Variants in ABLIM2 observed in about 807,000 individuals in gnomAD.
ABLIM2 encodes the protein actin-binding LIM protein 2.
ABLIM2 carries 53 observed loss-of-function variants against 97.7 expected under a neutral mutation model. The ratio of observed to expected loss-of-function variants is 0.54; its 90% CI spans 0.44 to 0.68. The LOEUF (loss-of-function observed/expected upper bound fraction) is 0.68. Ranked by LOEUF, ABLIM2 falls within the 30% of genes least tolerant of loss-of-function variation. The pLI, the probability that ABLIM2 is intolerant of heterozygous loss-of-function variation, is 0.00. For missense variants in ABLIM2, 835 were observed against 867.2 expected, an observed-to-expected ratio of 0.96 and a Z score of 0.47; for synonymous variants, 361 against 345.8, an observed-to-expected ratio of 1.04 and a Z score of -0.49.
Position 7,984,032 on chromosome 4 carries a change from C to G in ABLIM2, c.1736-478G>C, listed in dbSNP as rs548866960. On this transcript the variant is annotated intron_variant, in intron 18 of 20. Transcript: ENST00000447017. ...TTTTTCAAACTACTGAGCTCTGCCC[C>G]CTAATGTCTTACTTCCAGACTGAAA... 1.3e-4 allele frequency among the ~76,000 whole-genome samples: 20 copies of G among 151,840 alleles called. No homozygotes were observed. In the East Asian group the frequency reaches 3.3e-3, roughly 25 times the overall value.
chr4:7,982,149 C>T (rs191447032), intron 20 of ABLIM2, among the ~76,000 whole-genome samples: 9 of 133,884 alleles, frequency 6.7e-5, no homozygotes, highest in African/African-American at 2.4e-4. Flanking sequence ...ACTCCCTCCC[C>T]AGCAGCAGAC....
chr4:8,138,977 A>T (rs998410043), intron 1 of ABLIM2, among the ~76,000 whole-genome samples: 1 of 152,214 alleles, frequency 6.6e-6, no homozygotes, highest in Admixed American at 6.5e-5. Context: ...TGGGTGGATC[A>T]CCTGAGGTCA....
At position 8,149,030 on chromosome 4, in the gene ABLIM2, C is replaced by G. The variant is rs1711628651; in HGVS notation, c.10+9650G>C. On this transcript the variant is annotated intron_variant, in intron 1 of 20. Coordinates refer to ENST00000447017, the MANE Select transcript of ABLIM2 (RefSeq NM_001130083.2). This position sits in a 1 kb window ranked among gnomAD's most constrained non-coding sequence, Gnocchi z 6.4. ...GCTGAGATCTGGGGTCCCCAGATAC[C>G]AGGGCAGATCCAGCCAGAGTGTGAA... is the stretch of plus-strand genomic sequence containing the variant. Among the ~76,000 whole-genome samples, 1 of 152,176 alleles carries G rather than the reference C, an allele frequency of 6.6e-6. No homozygotes were observed. The highest frequency in any genetic ancestry group is 2.1e-4 in the South Asian group (1 of 4,830).
rs1834109537 is a variant in ABLIM2 at position 8,100,737 on chromosome 4, A to G, written c.155-3455T>C. Among the ~76,000 whole-genome samples, 3 of 142,258 alleles carry G rather than the reference A, an allele frequency of 2.1e-5. No individual in the cohort carries two copies. The Admixed American group carries it at 2.2e-4, about 10-fold the overall frequency. 93.3% of individuals were successfully genotyped at this position (142,258 alleles called of 152,430 possible). ...CTCCAGCCTGGGCAACAAGAATGAA[A>G]CTCCATCTCAGGAAAAAAAAAAAAA... On this transcript the variant is annotated intron_variant, in intron 2 of 20. Coordinates refer to ENST00000447017, the MANE Select transcript of ABLIM2 (RefSeq NM_001130083.2).
At chr4:8,016,708 T>A (rs1417068247) in intron 14 of ABLIM2, among the ~76,000 whole-genome samples, 1 of 152,146 alleles carries the variant, frequency 6.6e-6, no homozygotes, top group African/African-American at 2.4e-5. Context: ...CTTTCCACAG[T>A]AACCTCACCA....
chr4:8,144,526 C>G (rs1028458884), intron 1 of ABLIM2, among the ~76,000 whole-genome samples: 1 of 152,168 alleles, frequency 6.6e-6, no homozygotes, highest in Admixed American at 6.5e-5. Context: ...GGAAGCTGAC[C>G]CACATTTAAT....
chr4:8,026,473 A>C (rs1777412485), intron 12 of ABLIM2, among the ~76,000 whole-genome samples: 1 of 152,244 alleles, frequency 6.6e-6, no homozygotes, highest in South Asian at 2.1e-4. Flanking sequence ...GGTCTGAATG[A>C]ACCCTGTTTG....
At chr4:8,056,847 G>C (rs752411000) in intron 7 of ABLIM2, among the ~76,000 whole-genome samples, 11 of 149,466 alleles carry the variant, frequency 7.4e-5, no homozygotes, top group Non-Finnish European at 1.2e-4. Flanking sequence ...CAGGAGAATG[G>C]CGTGAACTCG....
intron 1 of ABLIM2, among the ~76,000 whole-genome samples, chr4:8,146,249 T>C (rs778439312): frequency 1.3e-5 from 2 of 152,216 alleles, no homozygotes; most frequent in Non-Finnish European, 2.9e-5. Context: ...CAGGGTTTGG[T>C]GGTCAAAATC....
At chr4:8,143,170 G>GGT (rs61114929) in intron 1 of ABLIM2, among the ~76,000 whole-genome samples, 229 of 136,270 alleles carry the variant, frequency 1.7e-3, no homozygotes, top group Non-Finnish European at 2.7e-3. Flanking sequence ...GGGGGGGGGG[G>GGT]GCGTCTGCAA....
rs913715003 is a variant in ABLIM2, at chr4:8,072,105, C to T, written c.675+5523G>A. 18 of 978,474 alleles carry T rather than the reference C, an allele frequency of 1.8e-5. No individual in the cohort carries two copies. The East Asian group carries it at 3.4e-4, about 19-fold the overall frequency. 60.6% of individuals were successfully genotyped at this position (978,474 alleles called of 1,614,324 possible). A position where few individuals can be genotyped will look rare whatever the true frequency, so the allele number is the denominator to read the frequency against. On this transcript the variant is annotated intron_variant, in intron 6 of 20. Coordinates refer to ENST00000447017, the MANE Select transcript of ABLIM2 (RefSeq NM_001130083.2). The surrounding 1 kb of genome is among the most constrained non-coding windows in gnomAD (Gnocchi z 5.8). ...CACAGACTCGCCTCCCCGGCAGAGG[C>T]GAAAACAAAAGCATTAATCTTCCCC...
chr4:8,096,962 G>T, intron 3 of ABLIM2, 137 bp downstream of exon 3: 1 of 1,121,588 alleles, frequency 8.9e-7, no homozygotes, highest in Non-Finnish European at 1.2e-6. Flanking sequence ...GCAGACTGTG[G>T]GGCCTGGAAC....
rs148293701 is a variant in ABLIM2, at chr4:7,992,545, C to T, written c.1680+321G>A. 1.0e-3 allele frequency among the ~76,000 whole-genome samples: 156 copies of T among 152,148 alleles called. No individual in the cohort carries two copies. Among genetic ancestry groups the T allele is most frequent in the African/African-American group, 3.0e-3 (125 of 41,524 alleles). The stretch of plus-strand genomic sequence containing the variant: ...GCTCTGTGCCATAGGAGGACGAAGA[C>T]GGTTAGGAGGGGCATCTTGGAGCTG... On this transcript the variant is annotated intron_variant, in intron 17 of 20. Coordinates refer to ENST00000447017, the MANE Select transcript of ABLIM2 (RefSeq NM_001130083.2). This position sits in a 1 kb window ranked among gnomAD's most constrained non-coding sequence, Gnocchi z 5.7.
intron 5 of ABLIM2, among the ~76,000 whole-genome samples, chr4:8,079,988 C>T (rs948675502): frequency 5.3e-5 from 8 of 152,190 alleles, no homozygotes; most frequent in East Asian, 3.9e-4. Flanking sequence ...CTGCACCATG[C>T]GGAAGGCTTG....
intron 7 of ABLIM2, among the ~76,000 whole-genome samples, chr4:8,057,483 T>C (rs796799885): frequency 5.6e-4 from 85 of 152,346 alleles, no homozygotes; most frequent in African/African-American, 1.8e-3. Context: ...AATGGAGTCT[T>C]GGCTCAAAGA....
At chr4:8,007,666 C>T in intron 16 of ABLIM2, 1 of 1,004,762 alleles carries the variant, frequency 1.0e-6, no homozygotes, top group South Asian at 4.5e-5. Context: ...TGCCCATCAC[C>T]AACTCCAAGT....
chr4:8,054,077 C>G lies in ABLIM2; in HGVS notation c.822+111G>C. ...GCCTGGCTGCCCCCATCCTGCAGCC[C>G]GTGGGACTGGACAATGAGCCTGTAG... is the stretch of plus-strand genomic sequence containing the variant. On this transcript the variant is annotated intron_variant, in intron 8 of 20. Transcript: ENST00000447017. This position sits in a 1 kb window ranked among gnomAD's most constrained non-coding sequence, Gnocchi z 4.9. 1.6e-6 allele frequency: 2 copies of G among 1,277,312 alleles called. No homozygotes were observed. The highest frequency in any genetic ancestry group is 2.3e-6 in the Non-Finnish European group (2 of 884,012). 79.1% of individuals were successfully genotyped at this position (1,277,312 alleles called of 1,614,324 possible). A position where few individuals can be genotyped will look rare whatever the true frequency, so the allele number is the denominator to read the frequency against.
intron 16 of ABLIM2, among the ~76,000 whole-genome samples, chr4:8,006,203 G>A (rs1220562507): frequency 6.6e-6 from 1 of 152,260 alleles, no homozygotes; most frequent in Non-Finnish European, 1.5e-5. Flanking sequence ...CACATGTGCA[G>A]GTCACAGAGA....
chr4:8,033,879 T>C lies in ABLIM2; in HGVS notation c.1047+2270A>G, dbSNP rs993864412. 9.2e-5 allele frequency among the ~76,000 whole-genome samples: 14 copies of C among 152,146 alleles called. No individual in the cohort carries two copies. Among genetic ancestry groups the C allele is most frequent in the African/African-American group, 3.1e-4 (13 of 41,430 alleles). On this transcript the variant is annotated intron_variant, in intron 10 of 20. Transcript: ENST00000447017. This position sits in a 1 kb window ranked among gnomAD's most constrained non-coding sequence, Gnocchi z 4.5. ...GACCCTGGAGCAGGACAGGGAGAGATACCAGCCCACCCCAACACACATCAC... is the reference window on the plus strand; with the variant it reads ...GACCCTGGAGCAGGACAGGGAGAGACACCAGCCCACCCCAACACACATCAC...
Sources: gnomAD v4.1 joint callset for allele counts (sites outside exome capture counted in the v4.1 genomes callset) on GRCh38, gnomAD v4.1.1 for gene constraint, Gnocchi (gnomAD v3.1) non-coding constraint, MANE v1.5 for transcripts, NCBI Gene and HGNC (gene_info 2026-07-23, HGNC 2026-07-21) for gene names.